The following CLIC4 variants were observed in gnomAD, a reference collection of about 807,000 sequenced individuals.
The protein encoded by CLIC4 is CLIC family member 4, also known as chloride intracellular channel protein 4.
Under a neutral mutation model 24.6 loss-of-function variants are expected in CLIC4, and 13 were observed. The ratio of observed to expected loss-of-function variants is 0.53; its 90% CI spans 0.34 to 0.84. The LOEUF (loss-of-function observed/expected upper bound fraction) is 0.84, where lower values mean the gene tolerates loss of function less well. Among genes scored for constraint, CLIC4 ranks in the 40% least tolerant of loss-of-function variants. The pLI is 0.01. For synonymous variants in CLIC4, 104 were observed against 111.3 expected (o/e 0.93, Z 0.41); for missense variants, 227 against 301.7 (o/e 0.75, Z 1.83).
intron 1 of CLIC4, among the ~76,000 whole-genome samples, chr1:24,765,815 C>CTTTT (rs34506030): frequency 9.6e-5 from 13 of 135,378 alleles, no homozygotes; most frequent in East Asian, 2.1e-4. Context: ...TTCTTTCTTT[C>CTTTT]TTTTTTTTTT....
intron 2 of CLIC4, among the ~76,000 whole-genome samples, chr1:24,808,518 T>C (rs1450910648): frequency 1.5e-5 from 2 of 133,080 alleles, no homozygotes; most frequent in Admixed American, 1.5e-4. Context: ...GCCCCCGCCC[T>C]GCCGCCCTTT....
intron 1 of CLIC4, among the ~76,000 whole-genome samples, chr1:24,767,131 C>A (rs774829454): frequency 6.6e-6 from 1 of 151,526 alleles, no homozygotes; most frequent in Admixed American, 6.6e-5. Context: ...TCAAAGTGGT[C>A]CTGGGCCACA....
intron 1 of CLIC4, among the ~76,000 whole-genome samples, chr1:24,752,039 G>A (rs902956090): frequency 1.1e-4 from 17 of 152,142 alleles, no homozygotes; most frequent in African/African-American, 3.4e-4. Context: ...GGTGCAGGGT[G>A]GCATAACACA....
At chr1:24,747,753 C>T (rs1326029568) in intron 1 of CLIC4, among the ~76,000 whole-genome samples, 1 of 151,962 alleles carries the variant, frequency 6.6e-6, no homozygotes, top group Non-Finnish European at 1.5e-5. Context: ...GAATAAGCTA[C>T]TATCGGGCCG....
intron 1 of CLIC4, among the ~76,000 whole-genome samples, chr1:24,773,297 A>T (rs1033792685): frequency 6.6e-5 from 10 of 152,208 alleles, no homozygotes; most frequent in African/African-American, 2.2e-4. Flanking sequence ...ATGAACAGAA[A>T]TAGCTGCCTT....
At chr1:24,779,688 C>T in intron 1 of CLIC4, among the ~76,000 whole-genome samples, 1 of 152,114 alleles carries the variant, frequency 6.6e-6, no homozygotes, top group East Asian at 1.9e-4. Flanking sequence ...TTGAGGTTTC[C>T]TTGACCCAGT....
chr1:24,757,362 G>A (rs768360765), intron 1 of CLIC4, among the ~76,000 whole-genome samples: 6 of 152,164 alleles, frequency 3.9e-5, no homozygotes, highest in Non-Finnish European at 8.8e-5. Flanking sequence ...TGAATTCTCT[G>A]CATGTTTTCT....
chr1:24,819,743 CT>C (rs989719136), intron 3 of CLIC4, among the ~76,000 whole-genome samples: 17 of 132,196 alleles, frequency 1.3e-4, no homozygotes, highest in African/African-American at 4.9e-4. Context: ...CTGACCATAA[CT>C]TTTTTTCTTT....
chr1:24,799,283 A>G lies in CLIC4; in HGVS notation c.182+1432A>G, dbSNP rs560326335. Among the ~76,000 whole-genome samples the G allele has an allele frequency of 3.7e-3, 521 of 141,112 alleles. 2 individuals carry two copies. Among genetic ancestry groups the G allele is most frequent in the African/African-American group, 0.013 (490 of 36,532 alleles). The allele number at this position is 141,112 out of a possible 152,430, so 92.6% of individuals were successfully genotyped here. A position where few individuals can be genotyped will look rare whatever the true frequency, so the allele number is the denominator to read the frequency against. ...GCCGCCCATCGTCTGAGATGTGGGG[A>G]GCGCCTCTGCCCCGCCTCCCCATCT... On this transcript the variant is annotated intron_variant, in intron 2 of 5. Coordinates refer to ENST00000374379, the MANE Select transcript of CLIC4 (RefSeq NM_013943.3).
At chr1:24,835,586 T>G (rs1639878931) in intron 4 of CLIC4, among the ~76,000 whole-genome samples, 1 of 152,002 alleles carries the variant, frequency 6.6e-6, no homozygotes, top group South Asian at 2.1e-4. Context: ...ATAAATAAAT[T>G]TTAAAAATGT....
intron 1 of CLIC4, among the ~76,000 whole-genome samples, chr1:24,766,989 C>T (rs1455992925): frequency 7.5e-6 from 1 of 133,490 alleles, no homozygotes; most frequent in Non-Finnish European, 1.5e-5. Flanking sequence ...TTACCTTGGG[C>T]CACACAAAAA....
chr1:24,782,128 A>G (rs1639212600), intron 1 of CLIC4, among the ~76,000 whole-genome samples: 1 of 152,242 alleles, frequency 6.6e-6, no homozygotes, highest in African/African-American at 2.4e-5. Context: ...AATGACTTCA[A>G]TTCACAGTGA....
chr1:24,799,691 A>AGGGAGGTG (rs1639455939), intron 2 of CLIC4, among the ~76,000 whole-genome samples: 1 of 112,714 alleles, frequency 8.9e-6, no homozygotes, highest in Non-Finnish European at 1.8e-5. Flanking sequence ...CCCGTCCGGG[A>AGGGAGGTG]GGGAGGTGGG....
At chr1:24,748,474 T>C (rs1382047524) in intron 1 of CLIC4, among the ~76,000 whole-genome samples, 1 of 149,386 alleles carries the variant, frequency 6.7e-6, no homozygotes, top group Non-Finnish European at 1.5e-5. Flanking sequence ...AGGCAAACTT[T>C]GCACTGATAC....
chr1:24,753,255 T>A (rs991047570), intron 1 of CLIC4, among the ~76,000 whole-genome samples: 1 of 152,222 alleles, frequency 6.6e-6, no homozygotes, highest in Non-Finnish European at 1.5e-5. Context: ...AAAGGTCTCT[T>A]CTAGTTATTA....
intron 1 of CLIC4, among the ~76,000 whole-genome samples, chr1:24,746,567 A>T (rs1638700734): frequency 6.6e-6 from 1 of 152,154 alleles, no homozygotes; most frequent in African/African-American, 2.4e-5. Context: ...TAAAAAAAAC[A>T]CTTTGAGCTT....
intron 1 of CLIC4, among the ~76,000 whole-genome samples, chr1:24,784,816 T>C (rs1239888056): frequency 1.3e-5 from 2 of 151,918 alleles, no homozygotes; most frequent in Non-Finnish European, 2.9e-5. Context: ...CCATCCTGGC[T>C]AACCTGGTGA....
intron 1 of CLIC4, among the ~76,000 whole-genome samples, chr1:24,782,979 C>CAAA (rs1374486214): frequency 6.6e-6 from 1 of 151,196 alleles, no homozygotes; most frequent in African/African-American, 2.4e-5. Context: ...GACCCTGTCT[C>CAAA]AAAAAAAACC....
intron 1 of CLIC4, among the ~76,000 whole-genome samples, chr1:24,773,027 T>TA: frequency 6.6e-6 from 1 of 152,354 alleles, no homozygotes; most frequent in Middle Eastern, 3.4e-3. Flanking sequence ...TATATATCCT[T>TA]ACAGCCAATT....
Sources: gnomAD v4.1 joint callset for allele counts (sites outside exome capture counted in the v4.1 genomes callset) on GRCh38, gnomAD v4.1.1 for gene constraint, MANE v1.5 for transcripts, NCBI Gene and HGNC (gene_info 2026-07-23, HGNC 2026-07-21) for gene names.